Variants in FER1L5 observed in about 807,000 individuals in gnomAD.
FER1L5 encodes fer-1 like family member 5, also known as fer-1-like protein 5.
FER1L5 carries 187 observed loss-of-function variants against 279.9 expected under a neutral mutation model. The observed-to-expected ratio is 0.67, with a 90% CI of 0.59 to 0.75. The LOEUF (loss-of-function observed/expected upper bound fraction) is 0.75. FER1L5 is among the 30% of genes least tolerant of loss of function. The pLI is 0.00. For synonymous variants in FER1L5, 921 were observed against 989.7 expected, an observed-to-expected ratio of 0.93 and a Z score of 1.30; for missense variants, 2,091 against 2,594.4, an observed-to-expected ratio of 0.81 and a Z score of 4.21.
chr2:96,699,855 CG>C (rs2077526570), intron 43 of FER1L5, 76 bp from the exon 44 acceptor site: 1 of 1,584,602 alleles, frequency 6.3e-7, no homozygotes, highest in Non-Finnish European at 8.6e-7. Flanking sequence ...AGCTTCCACC[CG>C]TGGTCAACCT....
chr2:96,703,858 C>T (rs1190068513), intron 51 of FER1L5, among the ~76,000 whole-genome samples: 1 of 147,392 alleles, frequency 6.8e-6, no homozygotes, highest in African/African-American at 2.5e-5. Flanking sequence ...CTCTGTCACC[C>T]AGGCTGGAGT....
Position 96,699,637 on chromosome 2 carries a change from G to A in FER1L5, c.4698G>A (p.Lys1566=). Residue 1566 remains lysine (K), a synonymous_variant, in exon 43 of 53, where the codon AAG becomes AAA. Coordinates refer to ENST00000624922, the MANE Select transcript of FER1L5 (RefSeq NM_001293083.2). The stretch of plus-strand genomic sequence containing the variant: ...TCGACCTATTTTCACCTGATGATAA[G>A]ATAGGAACCACAGTCATCGACCTTG... The part of the protein sequence containing the change: ...YDFDLFSPDD[K]IGTTVIDLEN... The A allele has an allele frequency of 1.9e-6, 3 of 1,614,024 alleles. No individual in the cohort carries two copies. The highest frequency in any genetic ancestry group is 2.2e-5 in the South Asian group (2 of 91,086).
chr2:96,645,996 C>CTTT (rs34639745), intron 1 of FER1L5, among the ~76,000 whole-genome samples: 26 of 72,708 alleles, frequency 3.6e-4, no homozygotes, highest in African/African-American at 5.4e-4. Flanking sequence ...TTGAAGTTTT[C>CTTT]TTTTTTTTTT....
rs1177643295 is a variant in FER1L5, at chr2:96,691,905, C to A, written c.3156C>A (p.Asp1052Glu). ...WPWGLDRQFR[D>E]PQRQDTRPPN... ...GGGGTCTGGACAGACAGTTCAGGGA[C>A]CCCCAGAGGCAGGACACCCGGCCCC... Residue 1052 changes from aspartate (D) to glutamate (E), a missense_variant, in exon 30 of 53, where the codon GAC becomes GAA. Transcript: ENST00000624922. The surrounding 1 kb of genome is among the most constrained non-coding windows in gnomAD (Gnocchi z 6.0). 11 of 1,551,218 alleles carry A rather than the reference C, an allele frequency of 7.1e-6. No individual in the cohort carries two copies. Among genetic ancestry groups the A allele is most frequent in the African/African-American group, 1.4e-5 (1 of 73,006 alleles).
At chr2:96,684,265 TGAG>T in intron 19 of FER1L5, 59 bp from the exon 20 acceptor site, 2 of 1,527,626 alleles carry the variant, frequency 1.3e-6, no homozygotes, top group East Asian at 4.9e-5. Flanking sequence ...GGGAGCACAG[TGAG>T]AAGAGACCTC....
intron 4 of FER1L5, among the ~76,000 whole-genome samples, chr2:96,649,096 G>A (rs1336390342): frequency 6.6e-6 from 1 of 152,146 alleles, no homozygotes; most frequent in Non-Finnish European, 1.5e-5. Flanking sequence ...AGGGCTAGAG[G>A]TCAAGGGCCT....
intron 19 of FER1L5, 125 bp from the exon 20 acceptor site, chr2:96,684,202 A>C (rs562981982): frequency 7.7e-7 from 1 of 1,295,298 alleles, no homozygotes; most frequent in East Asian, 2.6e-5. Context: ...TCCAGTCAGC[A>C]TTGTTAGCAG....
At position 96,700,019 on chromosome 2, in the gene FER1L5, G is replaced by A. The variant is rs747589069; in HGVS notation, c.4869G>A (p.Leu1623=). The A allele has an allele frequency of 1.9e-6, 3 of 1,613,884 alleles. No individual in the cohort carries two copies. The highest frequency in any genetic ancestry group is 4.5e-5 in the East Asian group (2 of 44,886). The change falls in exon 44 of 53, where the codon CTG becomes CTA. Residue 1623 remains leucine, a synonymous_variant. Coordinates refer to ENST00000624922, the MANE Select transcript of FER1L5 (RefSeq NM_001293083.2). The part of the protein sequence containing the change: ...YAKRKGLPPP[L]FSPEEDAVFY... Reference sequence around the variant, plus strand: ...AGCGGAAAGGGCTACCTCCGCCTCTGTTCAGTCCTGAGGAAGATGCTGTTT... The same window carrying A: ...AGCGGAAAGGGCTACCTCCGCCTCTATTCAGTCCTGAGGAAGATGCTGTTT...
At position 96,651,884 on chromosome 2, in the gene FER1L5, G is replaced by A. The variant is rs910285223; in HGVS notation, c.505-8G>A. On this transcript the variant is annotated splice_region_variant and splice_polypyrimidine_tract_variant and intron_variant, in intron 6 of 52. Coordinates refer to ENST00000624922, the MANE Select transcript of FER1L5 (RefSeq NM_001293083.2). ...TCAATATCAGCTCCCCATGTGTTCCGCCCTTAGGTTCGAGTGAAGGTGTTT... is the reference window on the plus strand; with the variant it reads ...TCAATATCAGCTCCCCATGTGTTCCACCCTTAGGTTCGAGTGAAGGTGTTT... The A allele has an allele frequency of 1.7e-5, 27 of 1,551,930 alleles. No individual in the cohort carries two copies. The highest frequency in any genetic ancestry group is 1.4e-4 in the African/African-American group (10 of 73,034).
intron 36 of FER1L5, 21 bp downstream of exon 36, chr2:96,695,925 C>T: frequency 6.2e-7 from 1 of 1,612,148 alleles, no homozygotes; most frequent in Non-Finnish European, 8.5e-7. Context: ...TCCTCCGTGC[C>T]TTTCCCCAGG....
chr2:96,659,679 G>A (rs2075882080), intron 9 of FER1L5, among the ~76,000 whole-genome samples: 1 of 150,706 alleles, frequency 6.6e-6, no homozygotes, highest in Admixed American at 6.7e-5. Flanking sequence ...TTTTAGTAGA[G>A]ACAAGGTTTC....
At chr2:96,693,416 C>T (rs1235460687) in intron 31 of FER1L5, 90 bp from the exon 32 acceptor site, 4 of 1,336,574 alleles carry the variant, frequency 3.0e-6, no homozygotes. Context: ...CCTCCTGGGC[C>T]CCACTGGGTC....
chr2:96,696,669 G>A (rs182442627), intron 37 of FER1L5, among the ~76,000 whole-genome samples: 94 of 152,276 alleles, frequency 6.2e-4, no homozygotes, highest in Middle Eastern at 3.4e-3. Context: ...GGGAGGCTGA[G>A]GCGGGCATGT....
chr2:96,685,872 A>G, intron 21 of FER1L5, 68 bp from the exon 22 acceptor site: 4 of 1,456,892 alleles, frequency 2.7e-6, no homozygotes, highest in Non-Finnish European at 3.6e-6. Flanking sequence ...GGCCTAAGGC[A>G]GGGCAGGAAT....
intron 18 of FER1L5, among the ~76,000 whole-genome samples, chr2:96,670,511 C>G (rs1470789176): frequency 6.6e-6 from 1 of 152,164 alleles, no homozygotes; most frequent in Non-Finnish European, 1.5e-5. Flanking sequence ...GGTGCGGTGG[C>G]TCACGCCTGT....
At chr2:96,654,172 A>G (rs1573791788) in intron 8 of FER1L5, 1 of 331,640 alleles carries the variant, frequency 3.0e-6, no homozygotes, top group East Asian at 4.7e-5. Flanking sequence ...GTAATGGATA[A>G]CGTTGAGTGC....
chr2:96,693,606 C>A lies in FER1L5; in HGVS notation c.3393C>A (p.His1131Gln), dbSNP rs1237136207. The change falls in exon 32 of 53, where the codon CAC becomes CAA. Residue 1131 changes from histidine to glutamine, a missense_variant. Coordinates refer to ENST00000624922, the MANE Select transcript of FER1L5 (RefSeq NM_001293083.2). ...GGGCCCAGACACTCATCTTCCAGCA[C>A]CTCCTTCTGTACGAGAACCCACAGG... is the stretch of plus-strand genomic sequence containing the variant. ...PTWAQTLIFQHLLLYENPQDT... is the reference protein window; with the variant it reads ...PTWAQTLIFQQLLLYENPQDT... 2 of 1,551,730 alleles carry A rather than the reference C, an allele frequency of 1.3e-6. No homozygotes were observed. Among genetic ancestry groups the A allele is most frequent in the African/African-American group, 1.4e-5 (1 of 73,176 alleles).
At chr2:96,665,945 G>A (rs1028607243) in intron 14 of FER1L5, among the ~76,000 whole-genome samples, 1 of 152,082 alleles carries the variant, frequency 6.6e-6, no homozygotes, top group Non-Finnish European at 1.5e-5. Flanking sequence ...CCTCATCCCT[G>A]AGAGAGGCCT....
chr2:96,643,049 G>A, intron 1 of FER1L5, 128 bp downstream of exon 1: 1 of 732,104 alleles, frequency 1.4e-6, no homozygotes, highest in Non-Finnish European at 2.1e-6. Context: ...TGAAGTAGAC[G>A]TTGTCCAGCT....
Sources: allele counts gnomAD v4.1 joint callset (sites outside exome capture counted in the v4.1 genomes callset), GRCh38; gene constraint gnomAD v4.1.1; non-coding constraint Gnocchi (gnomAD v3.1); transcripts MANE v1.5; gene names NCBI Gene and HGNC (gene_info 2026-07-23, HGNC 2026-07-21).